Variants in OSBPL10 observed in about 807,000 individuals in gnomAD.
The protein encoded by OSBPL10 is oxysterol binding protein like 10, also known as oxysterol-binding protein-related protein 10.
A neutral mutation model predicts 81.7 loss-of-function variants in OSBPL10; 49 were observed. That is an observed-to-expected ratio of 0.60 (90% confidence interval 0.48 to 0.76). OSBPL10 has a LOEUF of 0.76. Ranked by LOEUF, OSBPL10 falls within the 30% of genes least tolerant of loss-of-function variation. The pLI, the probability that OSBPL10 is intolerant of heterozygous loss-of-function variation, is 0.00. For synonymous variants in OSBPL10, 419 were observed against 383.6 expected, an observed-to-expected ratio of 1.09 and a Z score of -1.08; for missense variants, 923 against 987.8, an observed-to-expected ratio of 0.93 and a Z score of 0.88.
chr3:32,054,896 G>A (rs939178859), intron 1 of OSBPL10, among the ~76,000 whole-genome samples: 4 of 152,060 alleles, frequency 2.6e-5, no homozygotes, highest in African/African-American at 4.8e-5. Context: ...TTGTTCTCTC[G>A]TTTTGATCCT....
intron 4 of OSBPL10, among the ~76,000 whole-genome samples, chr3:31,805,568 C>CGCA (rs1699499314): frequency 6.6e-6 from 1 of 152,288 alleles, no homozygotes; most frequent in Non-Finnish European, 1.5e-5. Flanking sequence ...CTTCTAAGCA[C>CGCA]GCACTACTAA....
intron 1 of OSBPL10, among the ~76,000 whole-genome samples, chr3:32,054,947 A>G (rs1699696790): frequency 6.6e-6 from 1 of 152,142 alleles, no homozygotes; most frequent in African/African-American, 2.4e-5. Flanking sequence ...GGTATAGGAC[A>G]TTGACAGGTG....
intron 1 of OSBPL10, among the ~76,000 whole-genome samples, chr3:31,954,574 C>G (rs1393101105): frequency 6.6e-6 from 1 of 151,870 alleles, no homozygotes; most frequent in Non-Finnish European, 1.5e-5. Flanking sequence ...AGGCAAAAAC[C>G]AATCTATATT....
At chr3:31,892,472 G>T (rs1307139208) in intron 1 of OSBPL10, among the ~76,000 whole-genome samples, 1 of 152,156 alleles carries the variant, frequency 6.6e-6, no homozygotes, top group Non-Finnish European at 1.5e-5. Context: ...AAAGGCGGCT[G>T]CAGAGACTCG....
intron 1 of OSBPL10, among the ~76,000 whole-genome samples, chr3:31,977,195 C>A (rs142673705): frequency 2.1e-3 from 318 of 152,216 alleles, no homozygotes; most frequent in African/African-American, 7.0e-3. Flanking sequence ...GCCTCTCAGG[C>A]CCACAAATCA....
At chr3:31,787,365 C>T (rs768183670) in intron 4 of OSBPL10, among the ~76,000 whole-genome samples, 8 of 152,066 alleles carry the variant, frequency 5.3e-5, no homozygotes, top group Non-Finnish European at 8.8e-5. Context: ...GAGGCCAAGG[C>T]GGGCAGATCA....
At chr3:31,785,371 T>C (rs1698835321) in intron 4 of OSBPL10, among the ~76,000 whole-genome samples, 1 of 152,174 alleles carries the variant, frequency 6.6e-6, no homozygotes, top group Non-Finnish European at 1.5e-5. Context: ...CAGCACATGG[T>C]AGGCGTGTTT....
At chr3:31,990,361 T>A in intron 2 of OSBPL10, 4 of 1,614,102 alleles carry the variant, frequency 2.5e-6, no homozygotes, top group Non-Finnish European at 3.4e-6. Flanking sequence ...ATCTTACAAG[T>A]GTAATAAATG....
chr3:31,966,222 C>T (rs918488638), intron 1 of OSBPL10, among the ~76,000 whole-genome samples: 27 of 145,586 alleles, frequency 1.9e-4, no homozygotes, highest in Non-Finnish European at 3.3e-4. Context: ...ATTCATGGGA[C>T]GAAAATAAAG....
chr3:31,999,951 C>G (rs1055077150), intron 2 of OSBPL10, among the ~76,000 whole-genome samples: 2 of 152,168 alleles, frequency 1.3e-5, no homozygotes, highest in Non-Finnish European at 2.9e-5. Flanking sequence ...AGAGCCTCTT[C>G]TAAAACTAAT....
chr3:32,075,903 C>T (rs189764440), intron 1 of OSBPL10, among the ~76,000 whole-genome samples: 2 of 152,158 alleles, frequency 1.3e-5, no homozygotes, highest in African/African-American at 2.4e-5. Flanking sequence ...GACATTCCAC[C>T]ATTGAGATTT....
chr3:31,987,013 A>C (rs1698943196), intron 2 of OSBPL10, among the ~76,000 whole-genome samples: 1 of 152,168 alleles, frequency 6.6e-6, no homozygotes, highest in Non-Finnish European at 1.5e-5. Context: ...TCTCAAAAAA[A>C]ACAGAAACTA....
At position 32,050,879 on chromosome 3, in the gene OSBPL10, C is replaced by T. The variant is rs1332073307; in HGVS notation, n.186-4276G>A. Among the ~76,000 whole-genome samples, 12 of 152,078 alleles carry T rather than the reference C, an allele frequency of 7.9e-5. No homozygotes were observed. In the East Asian group the frequency reaches 9.7e-4, roughly 12 times the overall value. ...TTTCTCCATGTTGGTCAGCTGGGCT[C>T]GAACTCCCAACCTCAGGTGATCCGC... is the stretch of plus-strand genomic sequence containing the variant. On this transcript the variant is annotated intron_variant and non_coding_transcript_variant, in intron 1 of 3. Coordinates refer to the OSBPL10 transcript ENST00000479173.
At chr3:31,914,398 CAG>C (rs963281148) in intron 1 of OSBPL10, among the ~76,000 whole-genome samples, 50 of 152,314 alleles carry the variant, frequency 3.3e-4, no homozygotes, top group African/African-American at 1.1e-3. Context: ...TGTGACTTAT[CAG>C]AGTCTGTAAA....
intron 4 of OSBPL10, among the ~76,000 whole-genome samples, chr3:31,772,137 G>A (rs56208918): frequency 0.17 from 25,801 of 152,050 alleles, 2,478 homozygotes; most frequent in Non-Finnish European, 0.21. Context: ...AATACTAAAC[G>A]TTTGCTCCTA....
At chr3:31,742,037 G>A (rs1171517885) in intron 5 of OSBPL10, among the ~76,000 whole-genome samples, 1 of 152,152 alleles carries the variant, frequency 6.6e-6, no homozygotes, top group Non-Finnish European at 1.5e-5. Context: ...TTATGAAAAC[G>A]AACTAATACA....
At chr3:32,000,713 A>T (rs1699137079) in intron 2 of OSBPL10, among the ~76,000 whole-genome samples, 1 of 152,110 alleles carries the variant, frequency 6.6e-6, no homozygotes, top group Non-Finnish European at 1.5e-5. Context: ...GGTAGGTTAC[A>T]CTTCAGTTTC....
chr3:31,815,799 A>G (rs1443722064), intron 4 of OSBPL10, among the ~76,000 whole-genome samples: 1 of 152,218 alleles, frequency 6.6e-6, no homozygotes, highest in Non-Finnish European at 1.5e-5. Flanking sequence ...TGTCACAGAC[A>G]TGAACTCAGC....
chr3:31,833,271 C>A (rs1700288803), intron 3 of OSBPL10, among the ~76,000 whole-genome samples: 2 of 152,154 alleles, frequency 1.3e-5, no homozygotes, highest in Non-Finnish European at 2.9e-5. Flanking sequence ...TTCATACACA[C>A]ACCTCTATCC....
Sources: allele counts gnomAD v4.1 joint callset (sites outside exome capture counted in the v4.1 genomes callset), GRCh38; gene constraint gnomAD v4.1.1; transcripts MANE v1.5; gene names NCBI Gene and HGNC (gene_info 2026-07-23, HGNC 2026-07-21).